Variants in PDE8B observed in about 807,000 individuals in gnomAD.
PDE8B encodes the protein high affinity cAMP-specific and IBMX-insensitive 3',5'-cyclic phosphodiesterase 8B.
A neutral mutation model predicts 101.3 loss-of-function variants in PDE8B; 26 were observed. The observed-to-expected ratio is 0.26, with a 90% CI of 0.19 to 0.36. The LOEUF is 0.36. PDE8B is among the 10% of genes least tolerant of loss of function. The pLI is 1.00. For missense variants in PDE8B, 810 were observed against 1,163.1 expected, an observed-to-expected ratio of 0.70 and a Z score of 4.42; for synonymous variants, 424 against 429.3, an observed-to-expected ratio of 0.99 and a Z score of 0.15.
At chr5:77,272,493 G>A (rs928109009) in intron 1 of PDE8B, among the ~76,000 whole-genome samples, 1 of 152,002 alleles carries the variant, frequency 6.6e-6, no homozygotes, top group African/African-American at 2.4e-5. Flanking sequence ...TTTCTTCTTT[G>A]TCTGACTTGT....
intron 1 of PDE8B, among the ~76,000 whole-genome samples, chr5:77,219,420 C>G (rs1750588665): frequency 6.6e-6 from 1 of 152,068 alleles, no homozygotes; most frequent in African/African-American, 2.4e-5. Context: ...TAGGAAGATG[C>G]ATGAGAGATT....
chr5:77,208,012 T>C (rs756846474), upstream of PDE8B, among the ~76,000 whole-genome samples: 11 of 152,206 alleles, frequency 7.2e-5, no homozygotes, highest in Non-Finnish European at 1.3e-4. Context: ...ATATGAACTG[T>C]TCAGTTAACC....
intron 10 of PDE8B, among the ~76,000 whole-genome samples, chr5:77,373,183 T>G (rs1285890423): frequency 1.3e-5 from 2 of 152,240 alleles, no homozygotes; most frequent in Non-Finnish European, 2.9e-5. Flanking sequence ...CTTTTCTCTA[T>G]TGTTAATCTG....
the PDE8B span, among the ~76,000 whole-genome samples, chr5:77,165,783 A>G: frequency 6.6e-6 from 1 of 152,086 alleles, no homozygotes; most frequent in Admixed American, 6.6e-5. Flanking sequence ...AGCTGGGCGG[A>G]TCACTTGAGG....
rs1280174696 is a variant in PDE8B, at chr5:77,309,319, AATT to A, written c.340-2668_340-2666del. On this transcript the variant is annotated intron_variant, in intron 1 of 21. Transcript: ENST00000264917. ...ACAGGCAAGGTATTGGTTAGGGGTG[AATT>A]ATTATTTTTTGGACAGCCTGTGCCC... is the stretch of plus-strand genomic sequence containing the variant. 5.9e-5 allele frequency among the ~76,000 whole-genome samples: 9 copies of A among 152,198 alleles called. No individual in the cohort carries two copies. The East Asian group carries it at 1.5e-3, about 26-fold the overall frequency.
At chr5:77,116,301 G>A in the PDE8B span, among the ~76,000 whole-genome samples, 34 of 139,036 alleles carry the variant, frequency 2.4e-4, 1 homozygote, top group African/African-American at 3.8e-4. Flanking sequence ...GCACAATCTC[G>A]GCTCACCGCA....
chr5:77,306,720 A>T (rs189986483), intron 1 of PDE8B, among the ~76,000 whole-genome samples: 2 of 152,282 alleles, frequency 1.3e-5, no homozygotes, highest in Admixed American at 1.3e-4. Flanking sequence ...TGCAGCAATC[A>T]CCTCTAGAGA....
the PDE8B span, among the ~76,000 whole-genome samples, chr5:77,110,511 T>A: frequency 5.3e-4 from 81 of 152,296 alleles, no homozygotes; most frequent in African/African-American, 1.9e-3. Context: ...GCTTAATAGC[T>A]AATTACAAGG....
the PDE8B span, among the ~76,000 whole-genome samples, chr5:77,182,358 G>A: frequency 5.9e-3 from 892 of 152,026 alleles, 5 homozygotes; most frequent in Middle Eastern, 0.01. Context: ...TTAAAGATAG[G>A]TGGAAGTAAG....
At chr5:77,424,348 C>CTAA (rs1402222385) in intron 20 of PDE8B, among the ~76,000 whole-genome samples, 3 of 152,190 alleles carry the variant, frequency 2.0e-5, no homozygotes, top group Admixed American at 2.0e-4. Flanking sequence ...AAGCAATGTA[C>CTAA]TAATGTTCAT....
intron 1 of PDE8B, among the ~76,000 whole-genome samples, chr5:77,269,975 A>T (rs1254479709): frequency 6.6e-6 from 1 of 152,076 alleles, no homozygotes; most frequent in Non-Finnish European, 1.5e-5. Flanking sequence ...GATTCCACTT[A>T]AATTTTAGGA....
chr5:77,426,017 C>T lies in PDE8B; in HGVS notation c.2548+121C>T, dbSNP rs1187586500. ...ATATTTTTAAAAATGTGGCTGTCAG[C>T]TTTTTGTGGCCAAGTGGGGTGGGGT... is the stretch of plus-strand genomic sequence containing the variant. On this transcript the variant is annotated intron_variant, in intron 21 of 21. Coordinates refer to ENST00000264917, the MANE Select transcript of PDE8B (RefSeq NM_003719.5). 3.0e-6 allele frequency: 3 copies of T among 985,534 alleles called. No homozygotes were observed. The African/African-American group carries it at 4.8e-5, about 16-fold the overall frequency. 61.0% of individuals were successfully genotyped at this position (985,534 alleles called of 1,614,324 possible).
intron 1 of PDE8B, among the ~76,000 whole-genome samples, chr5:77,255,484 G>C (rs957264628): frequency 2.0e-5 from 3 of 152,188 alleles, no homozygotes; most frequent in African/African-American, 7.2e-5. Flanking sequence ...AGTGAAGTCT[G>C]ATGGGACAAT....
At chr5:77,187,316 T>A in the PDE8B span, among the ~76,000 whole-genome samples, 3 of 152,216 alleles carry the variant, frequency 2.0e-5, no homozygotes, top group Non-Finnish European at 4.4e-5. Flanking sequence ...TGCTTGTTTG[T>A]TTTGCAAAGT....
chr5:77,239,789 C>T (rs1190132842), intron 1 of PDE8B, among the ~76,000 whole-genome samples: 2 of 152,040 alleles, frequency 1.3e-5, no homozygotes, highest in Non-Finnish European at 2.9e-5. Context: ...CCTTCCTGTT[C>T]AGAGCTTTCA....
chr5:77,338,781 G>A (rs916547055), intron 6 of PDE8B, among the ~76,000 whole-genome samples: 2 of 152,136 alleles, frequency 1.3e-5, no homozygotes, highest in East Asian at 3.8e-4. Context: ...TTTTACTGTG[G>A]TTTAATTCTT....
intron 1 of PDE8B, among the ~76,000 whole-genome samples, chr5:77,219,731 C>T (rs772423570): frequency 5.3e-5 from 8 of 152,204 alleles, no homozygotes; most frequent in Admixed American, 1.3e-4. Context: ...GATTGACAGT[C>T]TTGGCCGAGA....
chr5:77,162,482 G>GA, the PDE8B span, among the ~76,000 whole-genome samples: 2 of 152,112 alleles, frequency 1.3e-5, no homozygotes, highest in Non-Finnish European at 2.9e-5. Context: ...AATTGAAAGG[G>GA]AAGAACAGAG....
intron 10 of PDE8B, among the ~76,000 whole-genome samples, chr5:77,394,765 A>G (rs977194084): frequency 1.2e-4 from 19 of 152,280 alleles, no homozygotes; most frequent in African/African-American, 4.3e-4. Flanking sequence ...CAGCCCTTAC[A>G]TTTTTATGTT....
Sources: allele counts gnomAD v4.1 joint callset (sites outside exome capture counted in the v4.1 genomes callset), GRCh38; gene constraint gnomAD v4.1.1; transcripts MANE v1.5; gene names NCBI Gene and HGNC (gene_info 2026-07-23, HGNC 2026-07-21).